ARHGEF4: variants seen among roughly 807,000 people sequenced by gnomAD.
ARHGEF4 encodes the protein Rho guanine nucleotide exchange factor 4, also known as APC-stimulated guanine nucleotide exchange factor 1.
In ARHGEF4, 119 loss-of-function variants were observed where a neutral mutation model predicts 162.0. The observed-to-expected ratio is 0.73, with a 90% CI of 0.63 to 0.86. The LOEUF (loss-of-function observed/expected upper bound fraction) is 0.86. Ranked by LOEUF, ARHGEF4 falls within the 40% of genes least tolerant of loss-of-function variation. The pLI is 0.00. For missense variants in ARHGEF4, 2,488 were observed against 2,456.0 expected (o/e 1.01, Z -0.28); for synonymous variants, 1,014 against 979.9 (o/e 1.03, Z -0.65).
chr2:130,842,028 G>A (rs1051676465), intron 1 of ARHGEF4, among the ~76,000 whole-genome samples: 1 of 152,204 alleles, frequency 6.6e-6, no homozygotes, highest in African/African-American at 2.4e-5. Flanking sequence ...GTGTATGTTG[G>A]CACAGTCCTT....
chr2:130,974,009 C>T lies in ARHGEF4; in HGVS notation c.3985+27374C>T, dbSNP rs577650567. On this transcript the variant is annotated intron_variant, in intron 4 of 13. Coordinates refer to ENST00000409359, the MANE Select transcript of ARHGEF4 (RefSeq NM_001367493.1). ...ATCTTGCTGGGTGCAGTGGCTCATG[C>T]CTGTAATCCCAGCACTTTGGGAGGC... Among the ~76,000 whole-genome samples, 265 of 152,152 alleles carry T rather than the reference C, an allele frequency of 1.7e-3. 1 individual carries two copies. The highest frequency in any genetic ancestry group is 6.8e-3 in the Middle Eastern group (2 of 294).
intron 4 of ARHGEF4, among the ~76,000 whole-genome samples, chr2:131,010,440 G>T (rs1688374588): frequency 6.6e-6 from 1 of 152,160 alleles, no homozygotes; most frequent in South Asian, 2.1e-4. Context: ...TCTGATAGTA[G>T]CCATTCCACT....
chr2:131,021,021 C>T (rs1190089160), intron 4 of ARHGEF4, among the ~76,000 whole-genome samples: 2 of 152,254 alleles, frequency 1.3e-5, no homozygotes, highest in East Asian at 1.9e-4. Flanking sequence ...CCTCTGCCCA[C>T]TTTTTGATGG....
In ARHGEF4 at chr2:131,040,329, G is replaced by A. The variant is rs1321116955; in HGVS notation, c.4551G>A (p.Gly1517=). The change falls in exon 8 of 14, where the codon GGG becomes GGA. Residue 1517 remains glycine (G), a synonymous_variant. Coordinates refer to ENST00000409359, the MANE Select transcript of ARHGEF4 (RefSeq NM_001367493.1). The stretch of plus-strand genomic sequence containing the variant: ...AGGAGCAGCTGCGTACCATCTTCGG[G>A]AACATCGAGGACATCTACCGCTGCC... ...FSEEQLRTIF[G]NIEDIYRCQK... 1.2e-6 allele frequency: 2 copies of A among 1,612,646 alleles called. No individual in the cohort carries two copies. The highest frequency in any genetic ancestry group is 2.7e-5 in the African/African-American group (2 of 74,922).
chr2:130,889,536 G>T (rs1679729932), intron 1 of ARHGEF4, among the ~76,000 whole-genome samples: 1 of 151,874 alleles, frequency 6.6e-6, no homozygotes, highest in Non-Finnish European at 1.5e-5. Context: ...TTACAGGCTG[G>T]GCGTGGTGGC....
intron 4 of ARHGEF4, among the ~76,000 whole-genome samples, chr2:130,986,983 T>C (rs1686552821): frequency 6.6e-6 from 1 of 152,204 alleles, no homozygotes; most frequent in Non-Finnish European, 1.5e-5. Context: ...TGAGAATCCT[T>C]ACACAGCAAG....
intron 5 of ARHGEF4, among the ~76,000 whole-genome samples, chr2:131,033,527 G>A (rs1690013471): frequency 6.6e-6 from 1 of 152,194 alleles, no homozygotes; most frequent in Admixed American, 6.5e-5. Context: ...GTACCCTTCT[G>A]GGTGGCCAGC....
At chr2:130,847,165 C>T (rs746494239) in intron 1 of ARHGEF4, among the ~76,000 whole-genome samples, 2 of 152,218 alleles carry the variant, frequency 1.3e-5, no homozygotes, top group South Asian at 2.1e-4. Flanking sequence ...GCCCCAAAGC[C>T]GGCTGCACCC....
Position 130,836,966 on chromosome 2 carries a change from G to T in ARHGEF4, c.13G>T (p.Val5Leu), listed in dbSNP as rs1680237511. Residue 5 changes from valine (V) to leucine (L), a missense_variant, in exon 1 of 14, where the codon GTG becomes TTG. By Grantham distance (32) the Val-to-Leu change is conservative. Coordinates refer to ENST00000409359, the MANE Select transcript of ARHGEF4 (RefSeq NM_001367493.1). MLSV[V>L]HFLRSFFKTP... ...CCCGGCGGCCACCATGCTCAGCGTC[G>T]TGCACTTCCTCCGGAGCTTCTTCAA... 2 of 1,226,502 alleles carry T rather than the reference G, an allele frequency of 1.6e-6. No homozygotes were observed. The highest frequency in any genetic ancestry group is 1.0e-6 in the Non-Finnish European group (1 of 984,608). 76.0% of individuals were successfully genotyped at this position (1,226,502 alleles called of 1,614,324 possible).
At chr2:130,947,779 C>T (rs13015742) in intron 4 of ARHGEF4, among the ~76,000 whole-genome samples, 87,636 of 152,098 alleles carry the variant, frequency 0.58, 29,647 homozygotes, top group East Asian at 0.84. Context: ...GGGCTGGACA[C>T]GCTAAGTGAG....
At position 130,864,709 on chromosome 2, in the gene ARHGEF4, G is replaced by A. The variant is rs181629153; in HGVS notation, c.39+27717G>A. Among the ~76,000 whole-genome samples the A allele has an allele frequency of 5.3e-5, 8 of 152,296 alleles. No homozygotes were observed. The East Asian group carries it at 1.5e-3, about 29-fold the overall frequency. ...ACTGCACTCCAATCTGGGCGACAGA[G>A]CCAGACTCTGTCTCAAAACAAAAAC... On this transcript the variant is annotated intron_variant, in intron 1 of 13. Coordinates refer to ENST00000409359, the MANE Select transcript of ARHGEF4 (RefSeq NM_001367493.1).
chr2:130,865,106 T>G, intron 1 of ARHGEF4, among the ~76,000 whole-genome samples: 1 of 152,202 alleles, frequency 6.6e-6, no homozygotes, highest in Admixed American at 6.5e-5. Flanking sequence ...GATTATGAAA[T>G]CTACAACCAC....
At chr2:130,946,116 G>A (rs570831254) in intron 3 of ARHGEF4, among the ~76,000 whole-genome samples, 41 of 152,334 alleles carry the variant, frequency 2.7e-4, no homozygotes, top group African/African-American at 9.9e-4. Flanking sequence ...ATTAGGAGAT[G>A]TCACGGATTT....
At chr2:130,904,492 G>GA (rs1222004894) in intron 1 of ARHGEF4, among the ~76,000 whole-genome samples, 2 of 151,932 alleles carry the variant, frequency 1.3e-5, no homozygotes, top group Admixed American at 6.6e-5. Flanking sequence ...CACCTGAAGA[G>GA]AAAAAAGACT....
rs1338341082 is a variant in ARHGEF4, at chr2:130,915,442, C to T, written c.1496C>T (p.Ala499Val). Residue 499 changes from alanine (A) to valine (V), a missense_variant, in exon 2 of 14, where the codon GCA becomes GTA. This residue lies in a region of ARHGEF4 where 1,642 missense variants were observed against 1,481.5 expected (regional missense o/e 1.11). Coordinates refer to ENST00000409359, the MANE Select transcript of ARHGEF4 (RefSeq NM_001367493.1). ...CACCTCTGGGGCATTTCTGTCCAGG[C>T]AGGAAACCAAACCAGTAATTACACA... Reference protein sequence around the residue: ...QKHLWGISVQAGNQTSNYTSK... With the variant: ...QKHLWGISVQVGNQTSNYTSK... 1 of 1,550,586 alleles carries T rather than the reference C, an allele frequency of 6.4e-7. No individual in the cohort carries two copies. Among genetic ancestry groups the T allele is most frequent in the African/African-American group, 1.4e-5 (1 of 73,154 alleles).
At chr2:130,991,645 G>C (rs921737446) in intron 4 of ARHGEF4, among the ~76,000 whole-genome samples, 1 of 152,250 alleles carries the variant, frequency 6.6e-6, no homozygotes, top group African/African-American at 2.4e-5. Context: ...CACCCGCGCT[G>C]CACTAGATTT....
intron 1 of ARHGEF4, among the ~76,000 whole-genome samples, chr2:130,908,526 AT>A (rs1342528720): frequency 6.6e-6 from 1 of 152,136 alleles, no homozygotes; most frequent in Non-Finnish European, 1.5e-5. Context: ...AATATGAAAA[AT>A]TAGCTGGGCA....
chr2:130,932,135 A>G (rs1682674737), intron 3 of ARHGEF4, among the ~76,000 whole-genome samples: 1 of 152,188 alleles, frequency 6.6e-6, no homozygotes, highest in Non-Finnish European at 1.5e-5. Flanking sequence ...TGGATTTTTC[A>G]TATAAATGTA....
At chr2:130,844,432 C>T (rs966352509) in intron 1 of ARHGEF4, among the ~76,000 whole-genome samples, 1 of 152,218 alleles carries the variant, frequency 6.6e-6, no homozygotes, top group African/African-American at 2.4e-5. Context: ...CGGCAGTAAA[C>T]CCCTAGAGAC....
Sources: gnomAD v4.1 joint callset for allele counts (sites outside exome capture counted in the v4.1 genomes callset) on GRCh38, gnomAD v4.1.1 for gene constraint, gnomAD v4.1.1 regional missense constraint, MANE v1.5 for transcripts, NCBI Gene and HGNC (gene_info 2026-07-23, HGNC 2026-07-21) for gene names.